UMAD1: variants seen among roughly 807,000 people sequenced by gnomAD.
The protein encoded by UMAD1 is UBAP1-MVB12-associated (UMA)-domain containing protein 1.
UMAD1 carries 8 observed loss-of-function variants against 6.1 expected under a neutral mutation model. That is an observed-to-expected ratio of 1.30 (90% CI 0.76 to 2.35). UMAD1 has a LOEUF of 2.35. Ranked by LOEUF, UMAD1 falls within the 30% of genes most tolerant of loss-of-function variation. The pLI, the probability that UMAD1 is intolerant of heterozygous loss-of-function variation, is 0.00. For synonymous variants in UMAD1, 56 were observed against 31.4 expected (o/e 1.78, Z -2.61); for missense variants, 130 against 78.4 (o/e 1.66, Z -2.49).
chr7:7,876,298 A>G (rs1171105051), intron 3 of UMAD1, among the ~76,000 whole-genome samples: 1 of 152,170 alleles, frequency 6.6e-6, no homozygotes, highest in African/African-American at 2.4e-5. Context: ...TTGAAGAGGA[A>G]TAGGCCAGGG....
intron 3 of UMAD1, among the ~76,000 whole-genome samples, chr7:7,824,054 AC>A (rs1244630278): frequency 2.0e-5 from 3 of 152,144 alleles, no homozygotes; most frequent in African/African-American, 7.2e-5. Flanking sequence ...AACAAACATT[AC>A]CATCAGCTGA....
At chr7:7,759,376 C>T (rs972371582) in intron 2 of UMAD1, among the ~76,000 whole-genome samples, 2 of 152,194 alleles carry the variant, frequency 1.3e-5, no homozygotes, top group Non-Finnish European at 2.9e-5. Flanking sequence ...TGTGCTGGGT[C>T]ACCTTCATCC....
intron 2 of UMAD1, among the ~76,000 whole-genome samples, chr7:7,726,538 A>G (rs1409677395): frequency 1.3e-5 from 2 of 152,190 alleles, no homozygotes; most frequent in African/African-American, 4.8e-5. Context: ...TGTCCAATAT[A>G]TGGTACTGTT....
intron 2 of UMAD1, among the ~76,000 whole-genome samples, chr7:7,772,606 AATTGAAAGT>A (rs889452434): frequency 1.3e-5 from 2 of 152,206 alleles, no homozygotes. Context: ...GGCTTTGAAA[AATTGAAAGT>A]AGTGTGGTTT....
chr7:7,663,359 A>C (rs1416997576), intron 1 of UMAD1, among the ~76,000 whole-genome samples: 1 of 129,768 alleles, frequency 7.7e-6, no homozygotes, highest in South Asian at 2.5e-4. Flanking sequence ...TATGTTAATC[A>C]ATTTAATTAA....
chr7:7,651,614 A>G (rs2115550755), intron 1 of UMAD1, among the ~76,000 whole-genome samples: 1 of 152,260 alleles, frequency 6.6e-6, no homozygotes, highest in Admixed American at 6.5e-5. Flanking sequence ...GTGTCAGATT[A>G]CTTTAGTCTC....
At chr7:7,829,310 A>G (rs75748409) in intron 3 of UMAD1, among the ~76,000 whole-genome samples, 4,455 of 152,168 alleles carry the variant, frequency 0.029, 224 homozygotes, top group African/African-American at 0.1. Context: ...GCTAAGAGCA[A>G]TAACTCTCTA....
intron 2 of UMAD1, among the ~76,000 whole-genome samples, chr7:7,760,582 C>T (rs899760184): frequency 2.0e-5 from 3 of 151,950 alleles, no homozygotes; most frequent in Non-Finnish European, 4.4e-5. Flanking sequence ...AACCTCTCCC[C>T]AGAATATACT....
chr7:7,764,217 A>G (rs1563187692), intron 2 of UMAD1, among the ~76,000 whole-genome samples: 1 of 152,136 alleles, frequency 6.6e-6, no homozygotes, highest in Non-Finnish European at 1.5e-5. Flanking sequence ...CATTACAATA[A>G]AGCAGGGAAG....
chr7:7,733,809 T>C (rs1042424694), intron 2 of UMAD1, among the ~76,000 whole-genome samples: 1 of 151,884 alleles, frequency 6.6e-6, no homozygotes, highest in African/African-American at 2.4e-5. Flanking sequence ...TGAATCTAGA[T>C]AGCATACACC....
At chr7:7,837,478 G>A (rs1783592447) in intron 3 of UMAD1, among the ~76,000 whole-genome samples, 1 of 152,114 alleles carries the variant, frequency 6.6e-6, no homozygotes, top group African/African-American at 2.4e-5. Context: ...AGTGATTAGA[G>A]TGAAAGCATT....
intron 2 of UMAD1, among the ~76,000 whole-genome samples, chr7:7,696,317 C>G (rs1291765716): frequency 6.6e-6 from 1 of 151,072 alleles, no homozygotes; most frequent in East Asian, 1.9e-4. Context: ...AAAAAACACC[C>G]CAAAACAAAT....
At chr7:7,847,056 TAAAAAA>T (rs756458461) in intron 3 of UMAD1, among the ~76,000 whole-genome samples, 771 of 33,496 alleles carry the variant, frequency 0.023, 81 homozygotes, top group African/African-American at 0.099. Flanking sequence ...TAGAGTATAA[TAAAAAA>T]AAAAAAAAAA....
chr7:7,828,634 T>TCC (rs1361015670), intron 3 of UMAD1, among the ~76,000 whole-genome samples: 1 of 152,158 alleles, frequency 6.6e-6, no homozygotes, highest in Non-Finnish European at 1.5e-5. Flanking sequence ...AAGGCTTTGA[T>TCC]CCAGAAAAAG....
chr7:7,695,872 A>C (rs1382733890), intron 2 of UMAD1, among the ~76,000 whole-genome samples: 2 of 152,168 alleles, frequency 1.3e-5, no homozygotes, highest in Non-Finnish European at 2.9e-5. Context: ...CATCTTATGC[A>C]CTAATGGTTG....
intron 2 of UMAD1, among the ~76,000 whole-genome samples, chr7:7,720,564 C>T (rs1421335604): frequency 1.3e-5 from 2 of 151,836 alleles, no homozygotes; most frequent in Non-Finnish European, 2.9e-5. Flanking sequence ...AATTGCCAAA[C>T]AAAAGAAAAA....
At chr7:7,837,373 G>A (rs1430636563) in intron 3 of UMAD1, among the ~76,000 whole-genome samples, 10 of 152,068 alleles carry the variant, frequency 6.6e-5, no homozygotes, top group African/African-American at 1.2e-4. Context: ...AGGGAATGAC[G>A]AACTAAGAAA....
chr7:7,682,088 A>T (rs772699609), intron 2 of UMAD1, among the ~76,000 whole-genome samples: 1 of 152,170 alleles, frequency 6.6e-6, no homozygotes, highest in South Asian at 2.1e-4. Flanking sequence ...ACTATTGTAG[A>T]GATTAAAGGA....
chr7:7,740,875 A>G (rs921961008), intron 2 of UMAD1: 1 of 152,208 alleles, frequency 6.6e-6, no homozygotes, highest in Admixed American at 6.5e-5. Flanking sequence ...TAATGAGTAA[A>G]GAATTCCAGT....
Sources: gnomAD v4.1 joint callset for allele counts (sites outside exome capture counted in the v4.1 genomes callset) on GRCh38, gnomAD v4.1.1 for gene constraint, MANE v1.5 for transcripts, NCBI Gene and HGNC (gene_info 2026-07-23, HGNC 2026-07-21) for gene names.